The following NR2C1 variants were observed in gnomAD, a reference collection of about 807,000 sequenced individuals.
NR2C1 encodes TR2 nuclear hormone receptor.
In NR2C1, 33 loss-of-function variants were observed where a neutral mutation model predicts 74.8. The ratio of observed to expected loss-of-function variants is 0.44; its 90% CI spans 0.33 to 0.59. The LOEUF (loss-of-function observed/expected upper bound fraction) is 0.59. Ranked by LOEUF, NR2C1 falls within the 20% of genes least tolerant of loss-of-function variation. NR2C1 has a pLI of 0.02. For missense variants in NR2C1, 568 were observed against 715.6 expected (o/e 0.79, Z 2.35); for synonymous variants, 225 against 240.6 (o/e 0.94, Z 0.60).
At chr12:95,027,417 A>G (rs1869496159) in intron 12 of NR2C1, among the ~76,000 whole-genome samples, 1 of 152,142 alleles carries the variant, frequency 6.6e-6, no homozygotes, top group South Asian at 2.1e-4. Context: ...ATAAATGTCT[A>G]ACATCCTTAA....
intron 10 of NR2C1, among the ~76,000 whole-genome samples, chr12:95,032,175 T>C (rs1468485479): frequency 6.6e-6 from 1 of 152,208 alleles, no homozygotes; most frequent in African/African-American, 2.4e-5. Flanking sequence ...GCCTCTAGAA[T>C]TATTTTATAG....
At chr12:95,033,964 T>C (rs1279470900) in intron 10 of NR2C1, among the ~76,000 whole-genome samples, 1 of 152,198 alleles carries the variant, frequency 6.6e-6, no homozygotes, top group African/African-American at 2.4e-5. Context: ...CTTAAATCTC[T>C]GGAGAGATAT....
At chr12:95,028,706 T>C (rs1046207067) in intron 11 of NR2C1, among the ~76,000 whole-genome samples, 182 bp from the exon 12 acceptor site, 1 of 152,212 alleles carries the variant, frequency 6.6e-6, no homozygotes, top group Non-Finnish European at 1.5e-5. Context: ...CTTGGCTCAC[T>C]GCAACCTCTG....
intron 7 of NR2C1, among the ~76,000 whole-genome samples, chr12:95,054,642 A>G (rs1873560142): frequency 2.0e-5 from 3 of 152,208 alleles, no homozygotes. Context: ...AAATTTTCTT[A>G]TATTTGAATA....
chr12:95,069,895 T>G (rs772026233), intron 1 of NR2C1, among the ~76,000 whole-genome samples: 1 of 152,076 alleles, frequency 6.6e-6, no homozygotes, highest in Non-Finnish European at 1.5e-5. Context: ...CACCTTTCAG[T>G]TGATTGAGTC....
intron 12 of NR2C1, 110 bp downstream of exon 12, chr12:95,028,277 T>C (rs915309738): frequency 2.4e-6 from 2 of 825,400 alleles, no homozygotes; most frequent in African/African-American, 1.7e-5. Flanking sequence ...ACTGAACTCT[T>C]TTCCCAGGTA....
intron 3 of NR2C1, among the ~76,000 whole-genome samples, chr12:95,061,662 T>C (rs1040686459): frequency 6.6e-6 from 1 of 152,208 alleles, no homozygotes; most frequent in African/African-American, 2.4e-5. Flanking sequence ...TTCAGAGTTT[T>C]TCAATCCAAA....
At chr12:95,067,862 C>T (rs993617047) in intron 1 of NR2C1, among the ~76,000 whole-genome samples, 2 of 151,498 alleles carry the variant, frequency 1.3e-5, no homozygotes, top group African/African-American at 4.8e-5. Context: ...GCCACCATGC[C>T]CACCCCTCCA....
Position 95,031,303 on chromosome 12 carries a change from A to G in NR2C1, c.1393+46T>C, listed in dbSNP as rs756065255. 7 of 1,462,118 alleles carry G rather than the reference A, an allele frequency of 4.8e-6. No homozygotes were observed. In the South Asian group the frequency reaches 8.0e-5, roughly 17 times the overall value. The allele number at this position is 1,462,118 out of a possible 1,614,324, so 90.6% of individuals were successfully genotyped here. On this transcript the variant is annotated intron_variant, in intron 11 of 13. Transcript: ENST00000333003. ...TTAGTCATAACATTTAATGAAACTC[A>G]TGCCTCCTCCTACAACCTGGAAAAG...
intron 7 of NR2C1, among the ~76,000 whole-genome samples, chr12:95,053,384 T>A (rs1356497785): frequency 1.3e-5 from 2 of 152,152 alleles, no homozygotes; most frequent in Non-Finnish European, 2.9e-5. Context: ...CTCAGAAATA[T>A]AATTTGTACG....
chr12:95,037,705 C>T (rs1871025024), intron 10 of NR2C1, among the ~76,000 whole-genome samples: 1 of 152,070 alleles, frequency 6.6e-6, no homozygotes, highest in Non-Finnish European at 1.5e-5. Flanking sequence ...ATCGGCCTGG[C>T]TAACACGATG....
intron 10 of NR2C1, among the ~76,000 whole-genome samples, chr12:95,033,238 A>T (rs1870385315): frequency 6.6e-6 from 1 of 152,110 alleles, no homozygotes; most frequent in African/African-American, 2.4e-5. Context: ...AAAAAAGGGG[A>T]AATAACAAAT....
At chr12:95,069,346 T>C (rs1272709004) in intron 1 of NR2C1, among the ~76,000 whole-genome samples, 1 of 152,206 alleles carries the variant, frequency 6.6e-6, no homozygotes, top group Non-Finnish European at 1.5e-5. Context: ...AGTCAATGAA[T>C]GAGACTGCAT....
intron 8 of NR2C1, among the ~76,000 whole-genome samples, chr12:95,050,768 G>A (rs1332338445): frequency 1.3e-5 from 2 of 151,818 alleles, no homozygotes; most frequent in Non-Finnish European, 2.9e-5. Flanking sequence ...ACGCAGTGTA[G>A]GAAAACCCTG....
At position 95,022,378 on chromosome 12, in the gene NR2C1, G is replaced by T. The variant is rs1868858530; in HGVS notation, c.1663C>A (p.Pro555Thr). ...YRLSRLLLRL[P>T]ALRLMNATIT... The stretch of plus-strand genomic sequence containing the variant: ...GTAGCATTCATCAGTCTTAAAGCTG[G>T]CAATCTGAGTAGTAGTCTGGATAAC... The change falls in exon 14 of 14, where the codon CCA (proline) becomes ACA (threonine). Residue 555 changes from proline to threonine, a missense_variant. Physicochemically the swap from Pro to Thr is conservative, Grantham distance 38 (BLOSUM62 -1). Around this residue, in one of 6 missense-constraint regions of NR2C1, gnomAD observed 117 missense variants for 186.7 expected, o/e 0.63. Coordinates refer to ENST00000333003, the MANE Select transcript of NR2C1 (RefSeq NM_003297.4). 6.2e-7 allele frequency: 1 copy of T among 1,612,142 alleles called. No individual in the cohort carries two copies. Among genetic ancestry groups the T allele is most frequent in the Non-Finnish European group, 8.5e-7 (1 of 1,179,614 alleles).
chr12:95,056,987 C>T (rs959219064), intron 7 of NR2C1, among the ~76,000 whole-genome samples: 1 of 151,032 alleles, frequency 6.6e-6, no homozygotes, highest in Non-Finnish European at 1.5e-5. Flanking sequence ...ACTTTTACAC[C>T]TATAATAAAT....
intron 1 of NR2C1, among the ~76,000 whole-genome samples, chr12:95,067,755 G>C (rs1167360284): frequency 6.6e-6 from 1 of 151,758 alleles, no homozygotes; most frequent in Non-Finnish European, 1.5e-5. Flanking sequence ...TACAGATGGG[G>C]TCTCACTGTG....
At chr12:95,070,428 A>G (rs889973388) in intron 1 of NR2C1, among the ~76,000 whole-genome samples, 2 of 152,080 alleles carry the variant, frequency 1.3e-5, no homozygotes, top group African/African-American at 2.4e-5. Context: ...CACCACACCT[A>G]GCCAACACAC....
At chr12:95,043,214 T>C (rs796367254) in intron 9 of NR2C1, among the ~76,000 whole-genome samples, 16 of 152,218 alleles carry the variant, frequency 1.1e-4, no homozygotes, top group African/African-American at 3.6e-4. Flanking sequence ...TGAGCCAGGA[T>C]TGTGCCACTG....
Sources: allele counts gnomAD v4.1 joint callset (sites outside exome capture counted in the v4.1 genomes callset), GRCh38; gene constraint gnomAD v4.1.1; regional missense constraint gnomAD v4.1.1; transcripts MANE v1.5; gene names NCBI Gene and HGNC (gene_info 2026-07-23, HGNC 2026-07-21).